The following EXD1 variants were observed in gnomAD, a reference collection of about 807,000 sequenced individuals.
The protein encoded by EXD1 is exonuclease 3'-5' domain containing 1, also known as piRNA biogenesis protein EXD1.
Under a neutral mutation model 49.1 loss-of-function variants are expected in EXD1, and 63 were observed. The ratio of observed to expected loss-of-function variants is 1.28; its 90% CI spans 1.05 to 1.58. EXD1 has a LOEUF of 1.58. EXD1 is among the 40% of genes most tolerant of loss of function. The probability of loss-of-function intolerance (pLI) is 0.00; values close to 1 mark genes in which losing one functional copy is unlikely to be tolerated. For missense variants in EXD1, 748 were observed against 666.0 expected (o/e 1.12, Z -1.36); for synonymous variants, 234 against 239.2 (o/e 0.98, Z 0.20).
rs761124937 is a variant in EXD1 at position 41,184,072 on chromosome 15, C to T, written c.1578G>A (p.Met526Ile). Reference sequence around the variant, plus strand: ...CTCTGGTTTCCTGAGGAAAGGAAGACATTGAAACAGCCTGTTTTGTGCATT... The same window carrying T: ...CTCTGGTTTCCTGAGGAAAGGAAGATATTGAAACAGCCTGTTTTGTGCATT... ...DLKCTKQAVSMSSFPQETRVS... is the reference protein window; with the variant it reads ...DLKCTKQAVSISSFPQETRVS... The change falls in exon 12 of 12, where the codon ATG becomes ATA. Residue 526 changes from methionine (M) to isoleucine (I), a missense_variant. Transcript: ENST00000458580. 1.9e-6 allele frequency: 3 copies of T among 1,614,074 alleles called. No individual in the cohort carries two copies. Among genetic ancestry groups the T allele is most frequent in the African/African-American group, 2.7e-5 (2 of 74,926 alleles).
At chr15:41,198,108 C>T (rs1595434484) in intron 7 of EXD1, among the ~76,000 whole-genome samples, 1 of 152,136 alleles carries the variant, frequency 6.6e-6, no homozygotes, top group African/African-American at 2.4e-5. Flanking sequence ...TTTGGTCTTC[C>T]TTCTGATTTC....
At chr15:41,192,416 C>G (rs1016501995) in intron 9 of EXD1, among the ~76,000 whole-genome samples, 1 of 151,978 alleles carries the variant, frequency 6.6e-6, no homozygotes, top group East Asian at 1.9e-4. Context: ...CCTGCCTCAG[C>G]CTCCCGAGTA....
Position 41,200,506 on chromosome 15 carries a change from A to G in EXD1, c.535-4469T>C, listed in dbSNP as rs528853205. Among the ~76,000 whole-genome samples, 16 of 152,312 alleles carry G rather than the reference A, an allele frequency of 1.1e-4. No individual in the cohort carries two copies. The South Asian group carries it at 3.3e-3, about 32-fold the overall frequency. ...GCCACTGCACTCCAGCCTGAGCAAG[A>G]AAGAGCAAGACTCTGTCTCAAAATA... On this transcript the variant is annotated intron_variant, in intron 7 of 11. Coordinates refer to ENST00000458580, the MANE Select transcript of EXD1 (RefSeq NM_001286441.2).
intron 9 of EXD1, chr15:41,191,940 C>T: frequency 5.4e-6 from 1 of 184,596 alleles, no homozygotes; most frequent in Non-Finnish European, 1.1e-5. Context: ...CCACGCCTGG[C>T]TAATTTTCAA....
intron 7 of EXD1, among the ~76,000 whole-genome samples, chr15:41,196,431 C>A (rs931525017): frequency 4.7e-5 from 7 of 150,276 alleles, no homozygotes; most frequent in Non-Finnish European, 7.4e-5. Context: ...ATTCTCCTGT[C>A]TCAGCCTCCC....
At position 41,216,776 on chromosome 15, in the gene EXD1, A is replaced by T; in HGVS notation, c.280T>A (p.Trp94Arg). The part of the protein sequence containing the change: ...SSVSLHAERT[W>R]MEKMKVEDLN... ...TCTTCAACTTTCATTTTCTCCATCCAGGTTCTTTCTGCATGTAGACTATCC... is the reference window on the plus strand; with the variant it reads ...TCTTCAACTTTCATTTTCTCCATCCTGGTTCTTTCTGCATGTAGACTATCC... Residue 94 changes from tryptophan (W) to arginine (R), a missense_variant, in exon 5 of 12, where the codon TGG becomes AGG. Coordinates refer to ENST00000458580, the MANE Select transcript of EXD1 (RefSeq NM_001286441.2). The T allele has an allele frequency of 1.9e-6, 3 of 1,613,770 alleles. No homozygotes were observed. The highest frequency in any genetic ancestry group is 2.5e-6 in the Non-Finnish European group (3 of 1,180,020).
intron 7 of EXD1, among the ~76,000 whole-genome samples, chr15:41,207,172 C>A (rs1430102839): frequency 3.3e-5 from 5 of 150,844 alleles, no homozygotes; most frequent in African/African-American, 1.2e-4. Flanking sequence ...ACCTAGGAGG[C>A]AGAGGTTGCA....
intron 1 of EXD1, among the ~76,000 whole-genome samples, chr15:41,227,448 T>C (rs1220511510): frequency 6.6e-6 from 1 of 152,172 alleles, no homozygotes; most frequent in Non-Finnish European, 1.5e-5. Context: ...GGTGGGCAGA[T>C]AATCTGAGGT....
In EXD1 at chr15:41,219,840, C is replaced by T. The variant is rs944132583; in HGVS notation, c.192G>A (p.Glu64=). The T allele has an allele frequency of 4.6e-6, 7 of 1,535,558 alleles. No individual in the cohort carries two copies. In the African/African-American group the frequency reaches 8.2e-5, roughly 18 times the overall value. ...VPGVKLFFGH[E]IVNVELLDEV... Reference sequence around the variant, plus strand: ...ACATGGGGGTCTCACCATTCACAATCTCATGCCCAAAAAACAACTTCACTC... The same window carrying T: ...ACATGGGGGTCTCACCATTCACAATTTCATGCCCAAAAAACAACTTCACTC... Residue 64 remains glutamate (E), a synonymous_variant, in exon 3 of 12, where the codon GAG becomes GAA. Coordinates refer to ENST00000458580, the MANE Select transcript of EXD1 (RefSeq NM_001286441.2).
chr15:41,210,879 T>A (rs1368843043), intron 6 of EXD1, among the ~76,000 whole-genome samples: 1 of 152,108 alleles, frequency 6.6e-6, no homozygotes, highest in Non-Finnish European at 1.5e-5. Flanking sequence ...GCAACATATC[T>A]CCCTTTAGAG....
chr15:41,195,948 G>A lies in EXD1; in HGVS notation c.624C>T (p.Asp208=). 1 of 1,610,966 alleles carries A rather than the reference G, an allele frequency of 6.2e-7. No individual in the cohort carries two copies. Among genetic ancestry groups the A allele is most frequent in the Non-Finnish European group, 8.5e-7 (1 of 1,178,982 alleles). ...ATATACTTACCTTCAAAATTCTCTT[G>A]TCTTCTAGTATCATCTGAAGTCCAT... The part of the protein sequence containing the change: ...FHNGLQMILE[D]KRILKVIHDC... The change falls in exon 8 of 12, where the codon GAC becomes GAT. Residue 208 remains aspartate (D), a synonymous_variant. Transcript: ENST00000458580.
intron 7 of EXD1, among the ~76,000 whole-genome samples, chr15:41,201,792 T>C (rs1222357707): frequency 6.6e-6 from 1 of 152,012 alleles, no homozygotes; most frequent in Non-Finnish European, 1.5e-5. Flanking sequence ...CCAGCTAAGA[T>C]TGCTTCTAAT....
chr15:41,192,592 GCATTTTTTTTTTTTTTTTTTTTTTT>G (rs2046540135), intron 9 of EXD1, among the ~76,000 whole-genome samples: 2 of 86,148 alleles, frequency 2.3e-5, no homozygotes, highest in Admixed American at 2.9e-4. Flanking sequence ...ACTGCGCCAG[GCATTTTTTTTTTTTTTTTTTTTTTT>G]TTTTTTTTTT....
At chr15:41,219,965 C>T in intron 2 of EXD1, 67 bp from the exon 3 acceptor site, 1 of 1,264,636 alleles carries the variant, frequency 7.9e-7, no homozygotes, top group Non-Finnish European at 1.1e-6. Context: ...AAATATGATG[C>T]CTCTCAAAAT....
At chr15:41,230,178 G>C (rs2047218175) in intron 1 of EXD1, among the ~76,000 whole-genome samples, 1 of 150,742 alleles carries the variant, frequency 6.6e-6, no homozygotes. Context: ...CCGCCTCCCG[G>C]GTTCAAGCGA....
chr15:41,207,788 A>G (rs2046856591), intron 7 of EXD1, among the ~76,000 whole-genome samples: 1 of 152,024 alleles, frequency 6.6e-6, no homozygotes, highest in South Asian at 2.1e-4. Flanking sequence ...AGGTGGGCAG[A>G]TCACCTGAGG....
At chr15:41,216,304 T>TA (rs539573586) in intron 5 of EXD1, among the ~76,000 whole-genome samples, 22,268 of 137,006 alleles carry the variant, frequency 0.16, 3,184 homozygotes, top group African/African-American at 0.4. Context: ...CTGACCTGGT[T>TA]AAAAAAAAAA....
intron 7 of EXD1, among the ~76,000 whole-genome samples, chr15:41,200,183 T>C (rs2046706156): frequency 1.3e-5 from 2 of 152,010 alleles, no homozygotes; most frequent in South Asian, 4.2e-4. Context: ...GCGCTAGAAG[T>C]ACATGTGTGA....
In EXD1 at chr15:41,215,773, A is replaced by C; in HGVS notation, c.447+2T>G. ...CTAGTAATGATTGAGGACAATACTT[A>C]CCGCAGCACCAAACTTCTGCTGGAA... On this transcript the variant is annotated splice_donor_variant, in intron 6 of 11. Transcript: ENST00000458580. LOFTEE classifies it high-confidence loss of function. 1.2e-6 allele frequency: 2 copies of C among 1,613,768 alleles called. No homozygotes were observed. Among genetic ancestry groups the C allele is most frequent in the African/African-American group, 2.7e-5 (2 of 75,028 alleles).
Sources: allele counts gnomAD v4.1 joint callset (sites outside exome capture counted in the v4.1 genomes callset), GRCh38; gene constraint gnomAD v4.1.1; transcripts MANE v1.5; gene names NCBI Gene and HGNC (gene_info 2026-07-23, HGNC 2026-07-21).